Variants in KIAA1586 observed in about 807,000 individuals in gnomAD.
The protein encoded by KIAA1586 is E3 SUMO-protein ligase KIAA1586.
Under a neutral mutation model 6.1 loss-of-function variants are expected in KIAA1586, and 5 were observed. That is an observed-to-expected ratio of 0.82 (90% CI 0.43 to 1.73). The LOEUF (loss-of-function observed/expected upper bound fraction) is 1.73, where lower values mean the gene tolerates loss of function less well. KIAA1586 is among the 40% of genes most tolerant of loss of function. The pLI, the probability that KIAA1586 is intolerant of heterozygous loss-of-function variation, is 0.02. For synonymous variants in KIAA1586, 280 were observed against 301.7 expected (o/e 0.93, Z 0.75); for missense variants, 899 against 878.2 (o/e 1.02, Z -0.30).
rs1828472147 is a variant in KIAA1586 at position 57,054,990 on chromosome 6, C to G, written c.*127C>G. 9.3e-7 allele frequency: 1 copy of G among 1,073,990 alleles called. No homozygotes were observed. Among genetic ancestry groups the G allele is most frequent in the Admixed American group, 3.1e-5 (1 of 31,920 alleles). 66.5% of individuals were successfully genotyped at this position (1,073,990 alleles called of 1,614,324 possible). A position where few individuals can be genotyped will look rare whatever the true frequency, so the allele number is the denominator to read the frequency against. On this transcript the variant is annotated 3_prime_UTR_variant, in exon 4 of 4. Transcript: ENST00000370733. ...AGCATGTTGCTGTTTAAAAGGCGTT[C>G]TTTAAGAAGATAATCTTGAAGATTG... is the stretch of plus-strand genomic sequence containing the variant.
downstream of KIAA1586, among the ~76,000 whole-genome samples, chr6:57,056,641 G>T (rs1194026545): frequency 6.6e-6 from 1 of 150,970 alleles, no homozygotes; most frequent in South Asian, 2.1e-4. Flanking sequence ...GGCCCAAGCA[G>T]TCCTCCCACC....
chr6:57,061,101 C>T, the KIAA1586 span, among the ~76,000 whole-genome samples: 1 of 152,188 alleles, frequency 6.6e-6, no homozygotes, highest in Admixed American at 6.5e-5. Flanking sequence ...CCTCAGCCTC[C>T]TGAGTAGCTG....
the KIAA1586 span, among the ~76,000 whole-genome samples, chr6:57,063,563 C>T: frequency 3.4e-5 from 5 of 147,252 alleles, no homozygotes; most frequent in South Asian, 1.1e-3. Context: ...AAGCAACTCT[C>T]CTGTCTCAGC....
intron 2 of KIAA1586, among the ~76,000 whole-genome samples, chr6:57,048,113 G>T (rs1828229837): frequency 6.6e-6 from 1 of 150,860 alleles, no homozygotes; most frequent in Admixed American, 6.6e-5. Context: ...AGAAGGGAGT[G>T]TTTTATGATA....
At chr6:57,065,709 A>G in the KIAA1586 span, among the ~76,000 whole-genome samples, 2 of 152,156 alleles carry the variant, frequency 1.3e-5, no homozygotes, top group African/African-American at 2.4e-5. Context: ...CTGGTTGTGC[A>G]TCTTTTTCAT....
At chr6:57,059,144 A>T (rs1036927992), downstream of KIAA1586, among the ~76,000 whole-genome samples, 1 of 152,208 alleles carries the variant, frequency 6.6e-6, no homozygotes, top group African/African-American at 2.4e-5. Context: ...TTAGGTGTGA[A>T]ATACACATTA....
chr6:57,065,492 GTT>G, the KIAA1586 span, among the ~76,000 whole-genome samples: 8 of 137,942 alleles, frequency 5.8e-5, no homozygotes, highest in Admixed American at 7.3e-5. Context: ...TGCCTTTTTT[GTT>G]TTTTTTTTTT....
chr6:57,055,443 T>G (rs951975963), downstream of KIAA1586, among the ~76,000 whole-genome samples: 1 of 152,062 alleles, frequency 6.6e-6, no homozygotes, highest in Non-Finnish European at 1.5e-5. Flanking sequence ...AAGATATGGT[T>G]GTTGTAGTGT....
chr6:57,057,199 G>T (rs1828512029), downstream of KIAA1586, among the ~76,000 whole-genome samples: 1 of 151,498 alleles, frequency 6.6e-6, no homozygotes, highest in South Asian at 2.1e-4. Flanking sequence ...CTGAACTCCA[G>T]CCTGGGCGAC....
At position 57,054,941 on chromosome 6, in the gene KIAA1586, T is replaced by G. The variant is rs78281894; in HGVS notation, c.*78T>G. On this transcript the variant is annotated 3_prime_UTR_variant, in exon 4 of 4. Coordinates refer to ENST00000370733, the MANE Select transcript of KIAA1586 (RefSeq NM_020931.4). ...TATACATAAAGGTCTTTTTTTTTTT[T>G]GGAAAGCCAGTTAAACTTTTATCAG... 7.6e-7 allele frequency: 1 copy of G among 1,317,974 alleles called. No homozygotes were observed. Among genetic ancestry groups the G allele is most frequent in the African/African-American group, 1.5e-5 (1 of 67,454 alleles). The allele number at this position is 1,317,974 out of a possible 1,614,324, so 81.6% of individuals were successfully genotyped here. A position where few individuals can be genotyped will look rare whatever the true frequency, so the allele number is the denominator to read the frequency against.
intron 3 of KIAA1586, 78 bp downstream of exon 3, chr6:57,050,932 A>T: frequency 9.4e-7 from 1 of 1,060,298 alleles, no homozygotes; most frequent in Non-Finnish European, 1.5e-6. Flanking sequence ...GAACTGGATC[A>T]TAAGAACTAA....
intron 2 of KIAA1586, among the ~76,000 whole-genome samples, chr6:57,048,468 A>T (rs907642971): frequency 5.3e-5 from 8 of 152,220 alleles, no homozygotes; most frequent in Non-Finnish European, 8.8e-5. Context: ...CATATTTCCC[A>T]ATTAATAGTG....
the KIAA1586 span, among the ~76,000 whole-genome samples, chr6:57,066,669 A>G: frequency 6.6e-6 from 1 of 152,212 alleles, no homozygotes; most frequent in Non-Finnish European, 1.5e-5. Flanking sequence ...TCGCAACTGC[A>G]TGTGATGTCC....
downstream of KIAA1586, chr6:57,055,301 TC>T (rs1271640155): frequency 2.0e-5 from 3 of 150,254 alleles, no homozygotes; most frequent in African/African-American, 7.4e-5. Context: ...ATGTGGCTGA[TC>T]AGCTTAGGGC....
At position 57,054,910 on chromosome 6, in the gene KIAA1586, C is replaced by T. The variant is rs1406362129; in HGVS notation, c.*47C>T. On this transcript the variant is annotated 3_prime_UTR_variant, in exon 4 of 4. Transcript: ENST00000370733. Reference sequence around the variant, plus strand: ...CATCTGTAAATTATGTACTACACATCCTTTATATACATAAAGGTCTTTTTT... The same window carrying T: ...CATCTGTAAATTATGTACTACACATTCTTTATATACATAAAGGTCTTTTTT... The T allele has an allele frequency of 2.2e-5, 32 of 1,438,490 alleles. No individual in the cohort carries two copies. Among genetic ancestry groups the T allele is most frequent in the Non-Finnish European group, 2.7e-5 (29 of 1,090,726 alleles). The allele number at this position is 1,438,490 out of a possible 1,614,324, so 89.1% of individuals were successfully genotyped here.
At chr6:57,060,035 C>A (rs1828545087), downstream of KIAA1586, among the ~76,000 whole-genome samples, 1 of 152,092 alleles carries the variant, frequency 6.6e-6, no homozygotes, top group African/African-American at 2.4e-5. Flanking sequence ...CTAATATATC[C>A]TTCATACTAA....
At chr6:57,051,354 A>G (rs1828320786) in intron 3 of KIAA1586, among the ~76,000 whole-genome samples, 1 of 151,806 alleles carries the variant, frequency 6.6e-6, no homozygotes, top group South Asian at 2.1e-4. Flanking sequence ...CATATTTAAT[A>G]CATCATTTCC....
the KIAA1586 span, among the ~76,000 whole-genome samples, chr6:57,063,896 A>T: frequency 6.6e-6 from 1 of 152,198 alleles, no homozygotes; most frequent in East Asian, 1.9e-4. Flanking sequence ...TTTAAAAAAA[A>T]TTGCTTTTTA....
At chr6:57,057,576 G>A (rs1332245626), downstream of KIAA1586, among the ~76,000 whole-genome samples, 2 of 152,004 alleles carry the variant, frequency 1.3e-5, no homozygotes, top group Non-Finnish European at 2.9e-5. Context: ...CCAACAAGGT[G>A]AAACCCCACC....
Sources: gnomAD v4.1 joint callset for allele counts (sites outside exome capture counted in the v4.1 genomes callset) on GRCh38, gnomAD v4.1.1 for gene constraint, MANE v1.5 for transcripts, NCBI Gene and HGNC (gene_info 2026-07-23, HGNC 2026-07-21) for gene names.